CFAP58: variants seen among roughly 807,000 people sequenced by gnomAD.
CFAP58 encodes cilia and flagella associated protein 58.
In CFAP58, 88 loss-of-function variants were observed where a neutral mutation model predicts 119.5. That is an observed-to-expected ratio of 0.74 (90% CI 0.62 to 0.88). The LOEUF is 0.88. Among genes scored for constraint, CFAP58 ranks in the 40% least tolerant of loss-of-function variants. The pLI, the probability that CFAP58 is intolerant of heterozygous loss-of-function variation, is 0.00. For synonymous variants in CFAP58, 365 were observed against 366.3 expected (o/e 1.00, Z 0.04); for missense variants, 990 against 1,021.2 (o/e 0.97, Z 0.42).
At chr10:104,379,610 G>T (rs1001361620) in intron 8 of CFAP58, among the ~76,000 whole-genome samples, 6 of 152,194 alleles carry the variant, frequency 3.9e-5, no homozygotes, top group African/African-American at 1.4e-4. Flanking sequence ...CAAGTTATGT[G>T]ATTAGGTTCA....
intron 6 of CFAP58, among the ~76,000 whole-genome samples, chr10:104,369,049 C>T (rs1036826061): frequency 2.0e-5 from 3 of 152,188 alleles, no homozygotes; most frequent in Non-Finnish European, 4.4e-5. Flanking sequence ...TCCTTGCTCT[C>T]ATTGAAGAGT....
intron 4 of CFAP58, 23 bp from the exon 5 acceptor site, chr10:104,365,791 C>T (rs182799251): frequency 1.4e-5 from 23 of 1,590,066 alleles, no homozygotes; most frequent in African/African-American, 2.7e-5. Context: ...CTCTTTCTCT[C>T]TTGTCCTTTC....
At chr10:104,364,992 A>C (rs1021984498) in intron 4 of CFAP58, 103 bp downstream of exon 4, 1 of 1,214,268 alleles carries the variant, frequency 8.2e-7, no homozygotes, top group Admixed American at 2.9e-5. Context: ...TTTACCCCCT[A>C]GCGCCCAAAT....
At chr10:104,373,061 G>A (rs1383070310) in intron 7 of CFAP58, among the ~76,000 whole-genome samples, 1 of 151,992 alleles carries the variant, frequency 6.6e-6, no homozygotes, top group Non-Finnish European at 1.5e-5. Flanking sequence ...TAAATATGTA[G>A]ATATCAATAG....
intron 11 of CFAP58, among the ~76,000 whole-genome samples, chr10:104,398,765 T>A (rs2012207483): frequency 6.6e-6 from 1 of 152,260 alleles, no homozygotes; most frequent in East Asian, 1.9e-4. Flanking sequence ...AATATTTGTC[T>A]ATCTTATCCT....
intron 1 of CFAP58, among the ~76,000 whole-genome samples, chr10:104,357,856 T>TAC (rs71022729): frequency 1.5e-5 from 1 of 68,312 alleles, no homozygotes; most frequent in Non-Finnish European, 3.5e-5. Flanking sequence ...TACACATATA[T>TAC]ACACATATAT....
chr10:104,393,242 C>A, intron 10 of CFAP58, 87 bp from the exon 11 acceptor site: 1 of 1,250,054 alleles, frequency 8.0e-7, no homozygotes, highest in Non-Finnish European at 1.1e-6. Flanking sequence ...GAGAGCGTCC[C>A]TTAAAAGCTC....
intron 15 of CFAP58, among the ~76,000 whole-genome samples, chr10:104,425,026 C>T (rs1166663719): frequency 3.3e-5 from 5 of 152,132 alleles, no homozygotes; most frequent in Non-Finnish European, 7.3e-5. Context: ...TCTCAAAGCC[C>T]CAGTGACTCC....
intron 15 of CFAP58, among the ~76,000 whole-genome samples, chr10:104,425,467 A>C (rs543780400): frequency 1.6e-4 from 25 of 152,254 alleles, no homozygotes; most frequent in African/African-American, 5.8e-4. Flanking sequence ...ACAACTATGC[A>C]CTCTAACAGT....
intron 15 of CFAP58, among the ~76,000 whole-genome samples, chr10:104,429,213 C>G (rs1016501947): frequency 6.6e-6 from 1 of 152,020 alleles, no homozygotes; most frequent in African/African-American, 2.4e-5. Context: ...GGGGGTCACT[C>G]AGAAGCATTT....
intron 5 of CFAP58, among the ~76,000 whole-genome samples, 184 bp downstream of exon 5, chr10:104,366,192 C>A (rs1274616740): frequency 9.9e-5 from 15 of 152,046 alleles, no homozygotes; most frequent in Admixed American, 9.8e-4. Context: ...AGTTATGCCC[C>A]CCCTTTTAAA....
chr10:104,365,081 T>C (rs1365171545), intron 4 of CFAP58, among the ~76,000 whole-genome samples, 192 bp downstream of exon 4: 1 of 152,200 alleles, frequency 6.6e-6, no homozygotes, highest in Admixed American at 6.5e-5. Flanking sequence ...ACTTGAATTG[T>C]TCTTTCTCTG....
chr10:104,343,754 T>A, the CFAP58 span, among the ~76,000 whole-genome samples: 1 of 152,190 alleles, frequency 6.6e-6, no homozygotes, highest in Admixed American at 6.5e-5. Context: ...AAATGCTTAT[T>A]TATTTATTTA....
intron 11 of CFAP58, among the ~76,000 whole-genome samples, chr10:104,396,829 G>A (rs1357469773): frequency 6.6e-6 from 1 of 152,136 alleles, no homozygotes; most frequent in African/African-American, 2.4e-5. Context: ...ATCCTTCCTG[G>A]GTGAGATGGC....
intron 7 of CFAP58, among the ~76,000 whole-genome samples, chr10:104,373,547 G>A (rs1476828835): frequency 6.6e-6 from 1 of 152,112 alleles, no homozygotes; most frequent in African/African-American, 2.4e-5. Context: ...CCAGCTACTT[G>A]GGAGGCTGAG....
intron 15 of CFAP58, among the ~76,000 whole-genome samples, chr10:104,425,347 C>G (rs2012726800): frequency 6.6e-6 from 1 of 152,074 alleles, no homozygotes; most frequent in South Asian, 2.1e-4. Flanking sequence ...GGTTGAGTAG[C>G]AGGAAGATAT....
chr10:104,388,341 TG>T (rs2011966083), intron 9 of CFAP58, among the ~76,000 whole-genome samples: 1 of 152,240 alleles, frequency 6.6e-6, no homozygotes, highest in South Asian at 2.1e-4. Context: ...AGTACTTATA[TG>T]CTGGCGTAGA....
chr10:104,438,351 T>G (rs1173989479), intron 15 of CFAP58, among the ~76,000 whole-genome samples: 1 of 39,378 alleles, frequency 2.5e-5, no homozygotes, highest in African/African-American at 1.3e-4. Flanking sequence ...GTTTTTTGTT[T>G]TTTTTTTTTG....
chr10:104,432,841 T>C (rs577931928), intron 15 of CFAP58, among the ~76,000 whole-genome samples: 1 of 152,324 alleles, frequency 6.6e-6, no homozygotes, highest in East Asian at 1.9e-4. Flanking sequence ...TTTAAATGGA[T>C]GTAAACTTTC....
Sources: allele counts gnomAD v4.1 joint callset (sites outside exome capture counted in the v4.1 genomes callset), GRCh38; gene constraint gnomAD v4.1.1; transcripts MANE v1.5; gene names NCBI Gene and HGNC (gene_info 2026-07-23, HGNC 2026-07-21).